The following FOXO1 variants were observed in gnomAD, a reference collection of about 807,000 sequenced individuals.
The protein encoded by FOXO1 is forkhead box protein O1.
FOXO1 carries 6 observed loss-of-function variants against 44.1 expected under a neutral mutation model. That is an observed-to-expected ratio of 0.14 (90% CI 0.07 to 0.27). FOXO1 has a LOEUF of 0.27. Ranked by LOEUF, FOXO1 falls within the 10% of genes least tolerant of loss-of-function variation. The pLI is 1.00. For missense variants in FOXO1, 737 were observed against 888.8 expected, an observed-to-expected ratio of 0.83 and a Z score of 2.17; for synonymous variants, 380 against 362.7, an observed-to-expected ratio of 1.05 and a Z score of -0.54.
chr13:40,666,386 A>T lies in FOXO1; in HGVS notation c.-174T>A. On this transcript the variant is annotated 5_prime_UTR_variant, in exon 1 of 3. Coordinates refer to ENST00000379561, the MANE Select transcript of FOXO1 (RefSeq NM_002015.4). ...CGCGGCGGAGTGGAAGCGCGAGCCCAGAACTTAACTTCGCGGGGCCATCCA... is the reference window on the plus strand; with the variant it reads ...CGCGGCGGAGTGGAAGCGCGAGCCCTGAACTTAACTTCGCGGGGCCATCCA... The T allele has an allele frequency of 6.2e-6, 3 of 487,212 alleles. No individual in the cohort carries two copies. Among genetic ancestry groups the T allele is most frequent in the Non-Finnish European group, 1.0e-5 (3 of 286,402 alleles). 30.2% of individuals were successfully genotyped at this position (487,212 alleles called of 1,614,324 possible).
In FOXO1 at chr13:40,558,376, T is replaced by A. The variant is rs1277754365; in HGVS notation, c.*673A>T. On this transcript the variant is annotated 3_prime_UTR_variant, in exon 3 of 3. Transcript: ENST00000379561. ...AAATAACAAAATAAACAAAAAAAAA[T>A]AGAAAAGACCTGTACAAAGCTGGCA... The A allele has an allele frequency of 6.5e-6, 1 of 152,754 alleles. No individual in the cohort carries two copies. Among genetic ancestry groups the A allele is most frequent in the African/African-American group, 2.4e-5 (1 of 41,296 alleles). The allele number at this position is 152,754 out of a possible 1,614,324, so 9.5% of individuals were successfully genotyped here.
At chr13:40,633,717 G>T (rs993366013) in intron 1 of FOXO1, among the ~76,000 whole-genome samples, 1 of 152,136 alleles carries the variant, frequency 6.6e-6, no homozygotes, top group Non-Finnish European at 1.5e-5. Context: ...AAAAACTATT[G>T]AATTGTACTC....
chr13:40,636,225 AAAAAC>A (rs1877146500), intron 1 of FOXO1, among the ~76,000 whole-genome samples: 1 of 152,104 alleles, frequency 6.6e-6, no homozygotes, highest in Admixed American at 6.5e-5. Context: ...AAAAAAAACA[AAAAAC>A]AAAAAACAAA....
At chr13:40,621,301 C>A in intron 1 of FOXO1, 1 of 719,612 alleles carries the variant, frequency 1.4e-6, no homozygotes, top group South Asian at 2.1e-5. Flanking sequence ...TTCACTTGTC[C>A]GATCTGTCAG....
At chr13:40,597,404 T>C (rs1303794766) in intron 1 of FOXO1, among the ~76,000 whole-genome samples, 1 of 152,184 alleles carries the variant, frequency 6.6e-6, no homozygotes, top group African/African-American at 2.4e-5. Flanking sequence ...AACATCTTTA[T>C]TATCAGAATC....
intron 1 of FOXO1, among the ~76,000 whole-genome samples, chr13:40,610,305 ATCTG>A (rs1160801130): frequency 3.3e-5 from 5 of 152,326 alleles, no homozygotes; most frequent in African/African-American, 9.6e-5. Context: ...ATGATGAGGC[ATCTG>A]TCTATTTGGC....
intron 1 of FOXO1, chr13:40,621,096 CTGAATACA>C: frequency 3.6e-6 from 1 of 275,428 alleles, no homozygotes; most frequent in Non-Finnish European, 7.3e-6. Context: ...CCACGCCCGC[CTGAATACA>C]TGATTTAACC....
intron 1 of FOXO1, among the ~76,000 whole-genome samples, chr13:40,610,432 A>T (rs1266189788): frequency 1.3e-5 from 2 of 152,208 alleles, no homozygotes; most frequent in African/African-American, 4.8e-5. Context: ...CATTGTAATA[A>T]GCAGGTAATC....
chr13:40,666,246 GC>G lies in FOXO1; in HGVS notation c.-35del. 1 of 1,365,936 alleles carries G rather than the reference GC, an allele frequency of 7.3e-7. No individual in the cohort carries two copies. Among genetic ancestry groups the G allele is most frequent in the Non-Finnish European group, 9.4e-7 (1 of 1,059,094 alleles). The allele number at this position is 1,365,936 out of a possible 1,614,324, so 84.6% of individuals were successfully genotyped here. ...CCGCCCCTCCCCCAGCCGCAGGAGAGCCAAGAGGGGGAGAACGCAGCACTGG... is the reference window on the plus strand; with the variant it reads ...CCGCCCCTCCCCCAGCCGCAGGAGAGCAAGAGGGGGAGAACGCAGCACTGG... On this transcript the variant is annotated 5_prime_UTR_variant, in exon 1 of 3. Transcript: ENST00000379561.
At chr13:40,632,961 G>A (rs1877018066) in intron 1 of FOXO1, among the ~76,000 whole-genome samples, 2 of 149,512 alleles carry the variant, frequency 1.3e-5, no homozygotes, top group Admixed American at 1.3e-4. Context: ...GATCTGAGTA[G>A]ATATCTCTCC....
intron 1 of FOXO1, among the ~76,000 whole-genome samples, chr13:40,569,857 C>A (rs1164991764): frequency 2.6e-5 from 4 of 152,120 alleles, no homozygotes; most frequent in African/African-American, 9.7e-5. Flanking sequence ...CTGATCCTCC[C>A]ACCTCAGCCT....
chr13:40,557,863 G>A lies in FOXO1; in HGVS notation c.*1186C>T, dbSNP rs1873816446. ...TTATGAGGCCTCCCAGGACTACAGA[G>A]GTCTCTAGAGAAGACTTGATGCTAT... On this transcript the variant is annotated 3_prime_UTR_variant, in exon 3 of 3. Coordinates refer to ENST00000379561, the MANE Select transcript of FOXO1 (RefSeq NM_002015.4). 1 of 152,168 alleles carries A rather than the reference G, an allele frequency of 6.6e-6. No homozygotes were observed. The allele number at this position is 152,168 out of a possible 1,614,324, so 9.4% of individuals were successfully genotyped here.
At chr13:40,564,107 T>C (rs185758095) in intron 1 of FOXO1, among the ~76,000 whole-genome samples, 42 of 152,296 alleles carry the variant, frequency 2.8e-4, no homozygotes, top group Admixed American at 9.8e-4. Flanking sequence ...GGTTGTTGCA[T>C]TGACTTGGGG....
intron 1 of FOXO1, among the ~76,000 whole-genome samples, chr13:40,656,856 A>G (rs939996149): frequency 2.0e-5 from 3 of 149,830 alleles, no homozygotes; most frequent in Non-Finnish European, 3.0e-5. Flanking sequence ...TTTGAGACCG[A>G]GTCTCTCTCT....
At chr13:40,664,949 G>A (rs1049255917) in intron 1 of FOXO1, among the ~76,000 whole-genome samples, 1 of 151,784 alleles carries the variant, frequency 6.6e-6, no homozygotes, top group Non-Finnish European at 1.5e-5. Context: ...GCACCACCTC[G>A]GGCTCGGGAC....
At chr13:40,659,355 T>TA (rs1362798652) in intron 1 of FOXO1, among the ~76,000 whole-genome samples, 2 of 149,480 alleles carry the variant, frequency 1.3e-5, no homozygotes, top group African/African-American at 4.9e-5. Flanking sequence ...AAGGAAGACT[T>TA]AGACACACAC....
chr13:40,571,859 C>A (rs1447308018), intron 1 of FOXO1, among the ~76,000 whole-genome samples: 1 of 152,164 alleles, frequency 6.6e-6, no homozygotes, highest in Non-Finnish European at 1.5e-5. Flanking sequence ...TACCAGAAGA[C>A]TAAGGCACAA....
chr13:40,577,464 C>A (rs533721676), intron 1 of FOXO1, among the ~76,000 whole-genome samples: 3 of 152,100 alleles, frequency 2.0e-5, no homozygotes, highest in Non-Finnish European at 4.4e-5. Context: ...ACAAAGAAAC[C>A]TTAGCAGACA....
At chr13:40,641,233 C>G (rs972291720) in intron 1 of FOXO1, among the ~76,000 whole-genome samples, 3 of 152,078 alleles carry the variant, frequency 2.0e-5, no homozygotes, top group Non-Finnish European at 4.4e-5. Flanking sequence ...TAGAGCCTTC[C>G]TATCCATCTG....
Sources: gnomAD v4.1 joint callset for allele counts (sites outside exome capture counted in the v4.1 genomes callset) on GRCh38, gnomAD v4.1.1 for gene constraint, MANE v1.5 for transcripts, NCBI Gene and HGNC (gene_info 2026-07-23, HGNC 2026-07-21) for gene names.